The following GIGYF2 variants were observed in gnomAD, a reference collection of about 807,000 sequenced individuals.
The protein encoded by GIGYF2 is GRB10-interacting GYF protein 2.
Under a neutral mutation model 208.1 loss-of-function variants are expected in GIGYF2, and 25 were observed. That is an observed-to-expected ratio of 0.12 (90% CI 0.09 to 0.17). GIGYF2 has a LOEUF of 0.17. Ranked by LOEUF, GIGYF2 falls within the 10% of genes least tolerant of loss-of-function variation. The pLI is 1.00. For missense variants in GIGYF2, 1,302 were observed against 1,579.4 expected (o/e 0.82, Z 2.98); for synonymous variants, 534 against 543.8 (o/e 0.98, Z 0.25).
In GIGYF2 at chr2:232,832,905, C is replaced by A. The variant is rs1375243396; in HGVS notation, c.2578C>A (p.Arg860=). The A allele has an allele frequency of 1.9e-6, 3 of 1,563,682 alleles. No individual in the cohort carries two copies. Among genetic ancestry groups the A allele is most frequent in the Non-Finnish European group, 2.6e-6 (3 of 1,154,026 alleles). The change falls in exon 22 of 29, where the codon CGA becomes AGA. Residue 860 remains arginine, a synonymous_variant. Transcript: ENST00000373563. The part of the protein sequence containing the change: ...WAREEEEAQR[R]LEENRLRMEE... ...CCGGGAAGAAGAAGAAGCCCAGCGT[C>A]GATTAGAGGAGAACCGGCTGCGGAT...
At chr2:232,715,763 G>GAGGT (rs1384726727) in intron 2 of GIGYF2, among the ~76,000 whole-genome samples, 1 of 151,734 alleles carries the variant, frequency 6.6e-6, no homozygotes, top group Non-Finnish European at 1.5e-5. Context: ...ATTGCCAGAT[G>GAGGT]AGGTGGATGC....
intron 3 of GIGYF2, among the ~76,000 whole-genome samples, chr2:232,744,546 C>A (rs576867998): frequency 2.4e-4 from 34 of 142,858 alleles, no homozygotes; most frequent in Admixed American, 9.8e-4. Flanking sequence ...TTCTTTCTTT[C>A]TTTTTTTTTT....
At chr2:232,794,598 C>T (rs954625180) in intron 12 of GIGYF2, 150 bp from the exon 13 acceptor site, 16 of 713,192 alleles carry the variant, frequency 2.2e-5, no homozygotes, top group South Asian at 1.1e-4. Flanking sequence ...AGGAATATTA[C>T]GTTTCTCCAT....
At chr2:232,803,366 G>A (rs1288357821) in intron 14 of GIGYF2, among the ~76,000 whole-genome samples, 1 of 152,002 alleles carries the variant, frequency 6.6e-6, no homozygotes, top group African/African-American at 2.4e-5. Flanking sequence ...TCTTTTATAG[G>A]TTGTTCTTTT....
chr2:232,813,162 T>G (rs1700786229), intron 18 of GIGYF2, among the ~76,000 whole-genome samples: 1 of 151,592 alleles, frequency 6.6e-6, no homozygotes, highest in Admixed American at 6.6e-5. Flanking sequence ...TTGGTATGGG[T>G]GAAGCACCGC....
chr2:232,742,807 A>G (rs1326041942), intron 3 of GIGYF2, among the ~76,000 whole-genome samples: 1 of 152,140 alleles, frequency 6.6e-6, no homozygotes, highest in African/African-American at 2.4e-5. Flanking sequence ...TTAGATTGGG[A>G]TGTCCTTAAC....
At chr2:232,728,821 G>A (rs1389166313) in intron 2 of GIGYF2, among the ~76,000 whole-genome samples, 1 of 152,178 alleles carries the variant, frequency 6.6e-6, no homozygotes, top group Non-Finnish European at 1.5e-5. Context: ...GGAAAAGGGA[G>A]GTCATAGTTT....
intron 2 of GIGYF2, among the ~76,000 whole-genome samples, chr2:232,709,821 A>G (rs1381500465): frequency 6.6e-6 from 1 of 151,902 alleles, no homozygotes; most frequent in East Asian, 1.9e-4. Context: ...AGGAAAAAAA[A>G]TTGTAGAGGT....
chr2:232,698,674 T>C (rs1695713895), intron 1 of GIGYF2, among the ~76,000 whole-genome samples: 1 of 152,206 alleles, frequency 6.6e-6, no homozygotes, highest in Non-Finnish European at 1.5e-5. Flanking sequence ...GTACTTGGCT[T>C]TTACATCAGA....
intron 2 of GIGYF2, chr2:232,734,343 C>T (rs1193059179): frequency 1.3e-5 from 2 of 152,146 alleles, no homozygotes; most frequent in Non-Finnish European, 2.9e-5. Flanking sequence ...CCCTCCACCT[C>T]ACCCTCCCAG....
At chr2:232,765,991 G>A (rs1431061946) in intron 8 of GIGYF2, 1 of 470,616 alleles carries the variant, frequency 2.1e-6, no homozygotes, top group East Asian at 6.9e-5. Context: ...TTAGTGAGCT[G>A]CACATCCAGA....
intron 2 of GIGYF2, among the ~76,000 whole-genome samples, chr2:232,730,430 C>A (rs1697416356): frequency 6.6e-6 from 1 of 150,596 alleles, no homozygotes; most frequent in Non-Finnish European, 1.5e-5. Context: ...CATGGTGAAA[C>A]CCCGTCTCTA....
chr2:232,801,868 G>A (rs1432615647), intron 14 of GIGYF2, among the ~76,000 whole-genome samples: 1 of 152,218 alleles, frequency 6.6e-6, no homozygotes, highest in Non-Finnish European at 1.5e-5. Flanking sequence ...GCTTTCGGTA[G>A]TACTGACATT....
rs397871962 is a variant in GIGYF2, at chr2:232,813,881, A to ATTT, written c.2107+1412_2107+1414dup. The stretch of plus-strand genomic sequence containing the variant: ...AGCATTGACATGATTTCACAAGTGG[A>ATTT]TTTTTTTTTTTTTTTTTTTTTTTTG... On this transcript the variant is annotated intron_variant, in intron 18 of 28. Transcript: ENST00000373563. 6.4e-3 allele frequency among the ~76,000 whole-genome samples: 470 copies of ATTT among 73,496 alleles called. 13 individuals carry two copies. The highest frequency in any genetic ancestry group is 0.047 in the Admixed American group (285 of 6,120). The allele number at this position is 73,496 out of a possible 152,430, so 48.2% of individuals were successfully genotyped here.
At chr2:232,739,364 C>A (rs372275728) in intron 3 of GIGYF2, among the ~76,000 whole-genome samples, 6,569 of 60,116 alleles carry the variant, frequency 0.11, 416 homozygotes, top group Middle Eastern at 0.16. Context: ...AAAGCAAACC[C>A]CCCCCCCCCC....
At chr2:232,775,827 T>A (rs1195891023) in intron 8 of GIGYF2, among the ~76,000 whole-genome samples, 2 of 152,242 alleles carry the variant, frequency 1.3e-5, no homozygotes, top group Non-Finnish European at 2.9e-5. Context: ...TATTTGTTCA[T>A]GTCTGGTGTA....
At chr2:232,791,991 AT>A (rs1211818608) in intron 12 of GIGYF2, among the ~76,000 whole-genome samples, 2 of 152,174 alleles carry the variant, frequency 1.3e-5, no homozygotes, top group African/African-American at 4.8e-5. Context: ...TCTTGTACGT[AT>A]TTAAAAATGT....
At chr2:232,818,669 T>C (rs1700985840) in intron 20 of GIGYF2, among the ~76,000 whole-genome samples, 1 of 152,176 alleles carries the variant, frequency 6.6e-6, no homozygotes, top group Non-Finnish European at 1.5e-5. Context: ...TCTCACTCTG[T>C]CACCCAGGCT....
Position 232,844,379 on chromosome 2 carries a change from T to C in GIGYF2, c.3110T>C (p.Leu1037Pro). ...NRARNNTHSN[L>P]HTSIGNSVWG... ...CTTTTTCTTTAACAGCATTCCAACC[T>C]GCACACCAGCATTGGGAATTCTGTT... The change falls in exon 25 of 29, where the codon CTG (leucine) becomes CCG (proline). Residue 1037 changes from leucine (L) to proline (P), a missense_variant. This residue lies in a region of GIGYF2 where 701 missense variants were observed against 793.0 expected (regional missense o/e 0.88). Coordinates refer to ENST00000373563, the MANE Select transcript of GIGYF2 (RefSeq NM_001103146.3). 2 of 1,613,428 alleles carry C rather than the reference T, an allele frequency of 1.2e-6. No homozygotes were observed. The highest frequency in any genetic ancestry group is 1.7e-6 in the Non-Finnish European group (2 of 1,179,328).
Sources: gnomAD v4.1 joint callset for allele counts (sites outside exome capture counted in the v4.1 genomes callset) on GRCh38, gnomAD v4.1.1 for gene constraint, gnomAD v4.1.1 regional missense constraint, MANE v1.5 for transcripts, NCBI Gene and HGNC (gene_info 2026-07-23, HGNC 2026-07-21) for gene names.